LSS: variants seen among roughly 807,000 people sequenced by gnomAD.
The protein encoded by LSS is 2,3-epoxysqualene-lanosterol cyclase.
In LSS, 90 loss-of-function variants were observed where a neutral mutation model predicts 110.3. The ratio of observed to expected loss-of-function variants is 0.82; its 90% CI spans 0.69 to 0.97. The LOEUF is 0.97. LSS is among the 50% of genes least tolerant of loss of function. The probability of loss-of-function intolerance (pLI) is 0.00; values close to 1 mark genes in which losing one functional copy is unlikely to be tolerated. For synonymous variants in LSS, 433 were observed against 400.0 expected (o/e 1.08, Z -0.98); for missense variants, 927 against 990.0 (o/e 0.94, Z 0.85).
chr21:46,221,910 C>T lies in LSS; in HGVS notation c.494G>A (p.Gly165Asp), dbSNP rs1202197673. 2.5e-6 allele frequency: 4 copies of T among 1,614,016 alleles called. No individual in the cohort carries two copies. Among genetic ancestry groups the T allele is most frequent in the African/African-American group, 1.3e-5 (1 of 74,908 alleles). Residue 165 changes from glycine (G) to aspartate (D), a missense_variant, in exon 5 of 22, where the codon GGT becomes GAT. Coordinates refer to ENST00000397728, the MANE Select transcript of LSS (RefSeq NM_002340.6). ...ALNYVSLRIL[G>D]VGPDDPDLVR... Reference sequence around the variant, plus strand: ...CAGGTCAGGATCGTCAGGCCCAACACCCAGAATTCTGAGAGACACATAGTT... The same window carrying T: ...CAGGTCAGGATCGTCAGGCCCAACATCCAGAATTCTGAGAGACACATAGTT...
At position 46,228,580 on chromosome 21, in the gene LSS, C is replaced by A; in HGVS notation, c.34G>T (p.Gly12Cys). Residue 12 changes from glycine to cysteine, a missense_variant, in exon 2 of 22, where the codon GGC becomes TGC. Physicochemically the swap from Gly to Cys is radical, Grantham distance 159. Transcript: ENST00000397728. ...GTGGCGGGCTCGGTCTTGTAGGGGC[C>A]CCCTCGGCGCCGCAGACACCTGAGG... The part of the protein sequence containing the change: ...TEGTCLRRRG[G>C]PYKTEPATDL... 6.3e-7 allele frequency: 1 copy of A among 1,591,962 alleles called. No homozygotes were observed. Among genetic ancestry groups the A allele is most frequent in the Non-Finnish European group, 8.5e-7 (1 of 1,175,930 alleles).
At chr21:46,205,705 G>C (rs933118701) in intron 17 of LSS, 131 bp downstream of exon 17, 1 of 657,960 alleles carries the variant, frequency 1.5e-6, no homozygotes, top group East Asian at 2.7e-5. Context: ...CACAACATCC[G>C]AAGCCTCTTG....
In LSS at chr21:46,202,132, C is replaced by T. The variant is rs540406835; in HGVS notation, c.1670+3704G>A. Among the ~76,000 whole-genome samples, 35 of 138,894 alleles carry T rather than the reference C, an allele frequency of 2.5e-4. 1 individual carries two copies. In the East Asian group the frequency reaches 5.8e-3, roughly 23 times the overall value. 91.1% of individuals were successfully genotyped at this position (138,894 alleles called of 152,430 possible). On this transcript the variant is annotated intron_variant, in intron 17 of 21. Coordinates refer to ENST00000397728, the MANE Select transcript of LSS (RefSeq NM_002340.6). ...AATATAGGCCGGGCGCGGTGGCTCACGCCTGTAATCCCAGCACTTTGGGAG... is the reference window on the plus strand; with the variant it reads ...AATATAGGCCGGGCGCGGTGGCTCATGCCTGTAATCCCAGCACTTTGGGAG...
Position 46,215,766 on chromosome 21 carries a change from T to C in LSS, c.811A>G (p.Ile271Val), listed in dbSNP as rs1391816448. Reference protein sequence around the residue: ...QELYVEDFASIDWLAQRNNVA... With the variant: ...QELYVEDFASVDWLAQRNNVA... ...TTGTTCCTCTGCGCCAGCCAGTCAA[T>C]GCTGGCGAAGTCCTCCACATAGAGC... The change falls in exon 8 of 22, where the codon ATT becomes GTT. Residue 271 changes from isoleucine to valine, a missense_variant. Ile to Val is a conservative substitution (Grantham distance 29). Transcript: ENST00000397728. The C allele has an allele frequency of 1.2e-6, 2 of 1,612,362 alleles. No homozygotes were observed. Among genetic ancestry groups the C allele is most frequent in the Non-Finnish European group, 1.7e-6 (2 of 1,179,062 alleles).
At chr21:46,204,420 CAGAA>C (rs941258624) in intron 17 of LSS, among the ~76,000 whole-genome samples, 1 of 150,478 alleles carries the variant, frequency 6.6e-6, no homozygotes, top group African/African-American at 2.4e-5. Flanking sequence ...ATAAGATTCT[CAGAA>C]GGAAGAGGAG....
At position 46,194,666 on chromosome 21, in the gene LSS, A is replaced by C. The variant is rs1375700882; in HGVS notation, c.1818-5T>G. The C allele has an allele frequency of 4.3e-6, 7 of 1,610,770 alleles. No homozygotes were observed. The highest frequency in any genetic ancestry group is 5.9e-6 in the Non-Finnish European group (7 of 1,179,636). On this transcript the variant is annotated splice_polypyrimidine_tract_variant and splice_region_variant and intron_variant, in intron 19 of 21. Coordinates refer to ENST00000397728, the MANE Select transcript of LSS (RefSeq NM_002340.6). ...GAGACCTCTGCACAGGCAGTCCTGC[A>C]AAGACCAGAGACAGGAGACACCATC...
chr21:46,223,813 T>C (rs2080305525), intron 3 of LSS, among the ~76,000 whole-genome samples: 1 of 152,200 alleles, frequency 6.6e-6, no homozygotes, highest in African/African-American at 2.4e-5. Context: ...AAGGGCTCCT[T>C]GGTCTAGTGG....
chr21:46,197,707 GT>G (rs1325947316), intron 17 of LSS, among the ~76,000 whole-genome samples: 1 of 152,148 alleles, frequency 6.6e-6, no homozygotes, highest in Non-Finnish European at 1.5e-5. Flanking sequence ...GGCTAACATG[GT>G]GAAACCCCGT....
At chr21:46,220,344 G>C (rs1283371484) in intron 5 of LSS, 1 of 152,310 alleles carries the variant, frequency 6.6e-6, no homozygotes, top group Non-Finnish European at 1.5e-5. Context: ...GGACAATAGT[G>C]ACAAGCTCAC....
chr21:46,192,195 C>A (rs2079826185), intron 20 of LSS: 4 of 590,648 alleles, frequency 6.8e-6, no homozygotes, highest in Non-Finnish European at 1.2e-5. Context: ...GGGACACAGG[C>A]CTCCTCAGGC....
chr21:46,191,880 C>T lies in LSS; in HGVS notation c.2067+1G>A, dbSNP rs1294433926. 1.2e-6 allele frequency: 2 copies of T among 1,612,466 alleles called. No homozygotes were observed. The highest frequency in any genetic ancestry group is 1.7e-6 in the Non-Finnish European group (2 of 1,179,410). ...GTGCGCTCAGGTCCCTGGCGGCATACCTGCGGCCAGTCGCCATTGGGGAGC... is the reference window on the plus strand; with the variant it reads ...GTGCGCTCAGGTCCCTGGCGGCATATCTGCGGCCAGTCGCCATTGGGGAGC... On this transcript the variant is annotated splice_donor_variant, in intron 21 of 21. Coordinates refer to ENST00000397728, the MANE Select transcript of LSS (RefSeq NM_002340.6). LOFTEE classifies it high-confidence loss of function.
At position 46,209,276 on chromosome 21, in the gene LSS, G is replaced by A. The variant is rs1227524745; in HGVS notation, c.1266+278C>T. Among the ~76,000 whole-genome samples the A allele has an allele frequency of 1.3e-5, 2 of 152,128 alleles. No homozygotes were observed. The highest frequency in any genetic ancestry group is 2.9e-5 in the Non-Finnish European group (2 of 68,012). On this transcript the variant is annotated intron_variant, in intron 13 of 21. Transcript: ENST00000397728. This position sits in a 1 kb window ranked among gnomAD's most constrained non-coding sequence, Gnocchi z 4.4. Reference sequence around the variant, plus strand: ...GGTACACAGCCCCTGCCCGTGCCTGGCCCTTGCACACAGTGGCTCCAACAT... The same window carrying A: ...GGTACACAGCCCCTGCCCGTGCCTGACCCTTGCACACAGTGGCTCCAACAT...
intron 17 of LSS, among the ~76,000 whole-genome samples, chr21:46,196,563 G>C (rs370599033): frequency 6.6e-6 from 1 of 152,116 alleles, no homozygotes; most frequent in Non-Finnish European, 1.5e-5. Context: ...AGTGACCCAG[G>C]CTTGAGCAAA....
intron 17 of LSS, among the ~76,000 whole-genome samples, chr21:46,202,085 C>T (rs1190031235): frequency 1.5e-4 from 21 of 144,256 alleles, no homozygotes; most frequent in Non-Finnish European, 2.3e-4. Flanking sequence ...TCAGCCACTG[C>T]GCCCGGCAAG....
At chr21:46,213,152 G>T in intron 10 of LSS, 100 bp from the exon 11 acceptor site, 2 of 1,172,230 alleles carry the variant, frequency 1.7e-6, no homozygotes, top group Non-Finnish European at 2.5e-6. Flanking sequence ...GAGGCCGTCT[G>T]TCCCCTCCCG....
At chr21:46,220,634 C>A (rs754851852) in intron 5 of LSS, among the ~76,000 whole-genome samples, 5 of 152,232 alleles carry the variant, frequency 3.3e-5, no homozygotes, top group African/African-American at 4.8e-5. Context: ...AAGACCAGGC[C>A]AGGCTCTGCA....
At position 46,216,862 on chromosome 21, in the gene LSS, G is replaced by A. The variant is rs2080213714; in HGVS notation, c.648-338C>T. 6.6e-6 allele frequency among the ~76,000 whole-genome samples: 1 copy of A among 152,136 alleles called. No homozygotes were observed. Among genetic ancestry groups the A allele is most frequent in the Non-Finnish European group, 1.5e-5 (1 of 68,028 alleles). On this transcript the variant is annotated intron_variant, in intron 6 of 21. Transcript: ENST00000397728. This position sits in a 1 kb window ranked among gnomAD's most constrained non-coding sequence, Gnocchi z 4.2. ...CATCAACAATGGGGATATGGTGTGA[G>A]GGCCCCAGGGAACACTCTTGGCTAT...
rs780268254 is a variant in LSS at position 46,228,535 on chromosome 21, G to A, written c.79C>T (p.Leu27Phe). Reference sequence around the variant, plus strand: ...GTCTGCCGGCCCCTCTCGCAGTTGAGTCGCCAGCGGCCGAGGTCGGTGGCG... The same window carrying A: ...GTCTGCCGGCCCCTCTCGCAGTTGAATCGCCAGCGGCCGAGGTCGGTGGCG... ...EPATDLGRWR[L>F]NCERGRQTWT... The change falls in exon 2 of 22, where the codon CTC becomes TTC. Residue 27 changes from leucine (L) to phenylalanine (F), a missense_variant. Physicochemically the swap from Leu to Phe is conservative, Grantham distance 22. Coordinates refer to ENST00000397728, the MANE Select transcript of LSS (RefSeq NM_002340.6). The A allele has an allele frequency of 6.3e-7, 1 of 1,599,274 alleles. No individual in the cohort carries two copies. The highest frequency in any genetic ancestry group is 1.1e-5 in the South Asian group (1 of 90,834).
intron 10 of LSS, 58 bp downstream of exon 10, chr21:46,213,680 T>C (rs2080162641): frequency 6.7e-7 from 1 of 1,484,904 alleles, no homozygotes; most frequent in East Asian, 2.4e-5. Context: ...GGGATGCAGC[T>C]GGGGCTCAGA....
Sources: allele counts gnomAD v4.1 joint callset (sites outside exome capture counted in the v4.1 genomes callset), GRCh38; gene constraint gnomAD v4.1.1; non-coding constraint Gnocchi (gnomAD v3.1); transcripts MANE v1.5; gene names NCBI Gene and HGNC (gene_info 2026-07-23, HGNC 2026-07-21).